POLR3H: variants seen among roughly 807,000 people sequenced by gnomAD.
POLR3H encodes RNA polymerase III subunit H, also known as DNA-directed RNA polymerase III subunit RPC8.
Under a neutral mutation model 25.5 loss-of-function variants are expected in POLR3H, and 17 were observed. That is an observed-to-expected ratio of 0.67 (90% CI 0.46 to 1.00). POLR3H has a LOEUF of 1.00. Among genes scored for constraint, POLR3H ranks in the 50% least tolerant of loss-of-function variants. The pLI is 0.00. For missense variants in POLR3H, 274 were observed against 265.0 expected (o/e 1.03, Z -0.24); for synonymous variants, 129 against 103.0 (o/e 1.25, Z -1.53).
In POLR3H at chr22:41,527,550, T is replaced by C; in HGVS notation, c.*1733A>G. 1.5e-6 allele frequency: 2 copies of C among 1,295,502 alleles called. No individual in the cohort carries two copies. The highest frequency in any genetic ancestry group is 4.7e-5 in the East Asian group (2 of 42,276). 80.3% of individuals were successfully genotyped at this position (1,295,502 alleles called of 1,614,324 possible). A position where few individuals can be genotyped will look rare whatever the true frequency, so the allele number is the denominator to read the frequency against. On this transcript the variant is annotated 3_prime_UTR_variant, in exon 6 of 6. Coordinates refer to ENST00000355209, the MANE Select transcript of POLR3H (RefSeq NM_001018050.4). ...TGCAGCCCACAGGCCCGTCAGCCTC[T>C]TGCCCCTTCTTAGGCTCACACAGTG...
At position 41,540,672 on chromosome 22, in the gene POLR3H, A is replaced by G. The variant is rs769856766; in HGVS notation, c.208+27T>C. The G allele has an allele frequency of 7.0e-6, 11 of 1,560,770 alleles. No homozygotes were observed. The East Asian group carries it at 2.5e-4, about 35-fold the overall frequency. ...CAGAAAACTGAGCCCCAAGAAGCCC[A>G]ATGCCCCAGGGACAGAAGATACCCA... On this transcript the variant is annotated intron_variant, in intron 2 of 5. Coordinates refer to ENST00000355209, the MANE Select transcript of POLR3H (RefSeq NM_001018050.4).
At chr22:41,531,063 C>T (rs1165378565) in intron 4 of POLR3H, among the ~76,000 whole-genome samples, 175 bp from the exon 5 acceptor site, 2 of 152,218 alleles carry the variant, frequency 1.3e-5, no homozygotes, top group Non-Finnish European at 2.9e-5. Context: ...CAGAGAGGAA[C>T]AAGCGCTCTT....
At chr22:41,542,756 A>G (rs529407880) in intron 1 of POLR3H, among the ~76,000 whole-genome samples, 1 of 152,270 alleles carries the variant, frequency 6.6e-6, no homozygotes, top group Non-Finnish European at 1.5e-5. Flanking sequence ...TAATTCCAGC[A>G]CTTTGGGAGG....
Position 41,529,007 on chromosome 22 carries a change from C to T in POLR3H, c.*276G>A, listed in dbSNP as rs2066665674. 7.5e-6 allele frequency: 4 copies of T among 534,292 alleles called. No individual in the cohort carries two copies. Among genetic ancestry groups the T allele is most frequent in the Non-Finnish European group, 9.9e-6 (3 of 303,070 alleles). The allele number at this position is 534,292 out of a possible 1,614,324, so 33.1% of individuals were successfully genotyped here. A position where few individuals can be genotyped will look rare whatever the true frequency, so the allele number is the denominator to read the frequency against. Reference sequence around the variant, plus strand: ...TTCTGTGAGTGATTGGTGTCTGTGCCGTTTGTTGTCAAGTCCAGGGTCCAG... The same window carrying T: ...TTCTGTGAGTGATTGGTGTCTGTGCTGTTTGTTGTCAAGTCCAGGGTCCAG... On this transcript the variant is annotated 3_prime_UTR_variant, in exon 6 of 6. Coordinates refer to ENST00000355209, the MANE Select transcript of POLR3H (RefSeq NM_001018050.4).
At chr22:41,540,019 T>A (rs1344205445) in intron 2 of POLR3H, 1 of 170,208 alleles carries the variant, frequency 5.9e-6, no homozygotes, top group Non-Finnish European at 1.3e-5. Context: ...TATCCTAAAC[T>A]GCAGTTGACA....
chr22:41,532,130 A>G lies in POLR3H; in HGVS notation c.323T>C (p.Leu108Pro). The change falls in exon 4 of 6, where the codon CTC becomes CCC. Residue 108 changes from leucine (L) to proline (P), a missense_variant. Transcript: ENST00000355209. ...HVSLGFFDDI[L>P]IPPESLQQPA... ...CTGCTGCAGTGACTCTGGGGGGATGAGAATGTCATCGAAGAAGCCTAGAGA... is the reference window on the plus strand; with the variant it reads ...CTGCTGCAGTGACTCTGGGGGGATGGGAATGTCATCGAAGAAGCCTAGAGA... The G allele has an allele frequency of 1.9e-6, 3 of 1,614,128 alleles. No individual in the cohort carries two copies. Among genetic ancestry groups the G allele is most frequent in the Non-Finnish European group, 2.5e-6 (3 of 1,179,994 alleles).
chr22:41,528,631 C>T lies in POLR3H; in HGVS notation c.*652G>A. On this transcript the variant is annotated 3_prime_UTR_variant, in exon 6 of 6. Transcript: ENST00000355209. ...AACAGTGAGGGCAGTGCCTCCCCGC[C>T]CCGCCGCTGGCGTCAAGTTCAGCTC... 2 of 1,578,228 alleles carry T rather than the reference C, an allele frequency of 1.3e-6. No individual in the cohort carries two copies. Among genetic ancestry groups the T allele is most frequent in the South Asian group, 2.3e-5 (2 of 85,922 alleles).
At chr22:41,536,891 T>TAA (rs925766801) in intron 2 of POLR3H, among the ~76,000 whole-genome samples, 1 of 140,120 alleles carries the variant, frequency 7.1e-6, no homozygotes, top group Non-Finnish European at 1.6e-5. Context: ...AAAAAGGCTT[T>TAA]AAAAAAAAAA....
chr22:41,530,110 T>C (rs1370088638), intron 5 of POLR3H, among the ~76,000 whole-genome samples: 1 of 151,954 alleles, frequency 6.6e-6, no homozygotes, highest in Non-Finnish European at 1.5e-5. Context: ...CCTTGATTTC[T>C]TTCTCCCTCA....
chr22:41,527,568 A>T lies in POLR3H; in HGVS notation c.*1715T>A. The T allele has an allele frequency of 2.7e-6, 3 of 1,123,060 alleles. No homozygotes were observed. Among genetic ancestry groups the T allele is most frequent in the Non-Finnish European group, 3.7e-6 (3 of 801,822 alleles). 69.6% of individuals were successfully genotyped at this position (1,123,060 alleles called of 1,614,324 possible). On this transcript the variant is annotated 3_prime_UTR_variant, in exon 6 of 6. Transcript: ENST00000355209. ...CAGCCTCTTGCCCCTTCTTAGGCTCACACAGTGCACATCCGACGCTCAGCT... is the reference window on the plus strand; with the variant it reads ...CAGCCTCTTGCCCCTTCTTAGGCTCTCACAGTGCACATCCGACGCTCAGCT...
In POLR3H at chr22:41,528,386, TC is replaced by T; in HGVS notation, c.*896del. On this transcript the variant is annotated 3_prime_UTR_variant, in exon 6 of 6. Transcript: ENST00000355209. Reference sequence around the variant, plus strand: ...TTGGTTTGCCTGCTGACCTCTTAGGTCCCCAGGCAGTGCCCTGTCTCCCTGA... The same window carrying T: ...TTGGTTTGCCTGCTGACCTCTTAGGTCCCAGGCAGTGCCCTGTCTCCCTGA... The T allele has an allele frequency of 6.5e-7, 1 of 1,532,890 alleles. No homozygotes were observed. 95.0% of individuals were successfully genotyped at this position (1,532,890 alleles called of 1,614,324 possible).
At chr22:41,540,603 C>A in intron 2 of POLR3H, 96 bp downstream of exon 2, 1 of 918,232 alleles carries the variant, frequency 1.1e-6, no homozygotes, top group Non-Finnish European at 1.8e-6. Flanking sequence ...CTCAGCCTTA[C>A]AGGCACGCAC....
chr22:41,530,661 G>A, intron 5 of POLR3H, 26 bp downstream of exon 5: 2 of 1,592,626 alleles, frequency 1.3e-6, no homozygotes, highest in Non-Finnish European at 8.6e-7. Flanking sequence ...CCTCATGGGG[G>A]CTTCAGCACC....
At chr22:41,542,724 C>A (rs777216873) in intron 1 of POLR3H, among the ~76,000 whole-genome samples, 1 of 152,118 alleles carries the variant, frequency 6.6e-6, no homozygotes. Flanking sequence ...AACAAATGGC[C>A]GGGCACGGTG....
At chr22:41,538,718 T>G (rs2066886486) in intron 2 of POLR3H, among the ~76,000 whole-genome samples, 1 of 152,140 alleles carries the variant, frequency 6.6e-6, no homozygotes. Context: ...CACACTGCAA[T>G]CTTATTTCTC....
At chr22:41,529,393 G>T in intron 5 of POLR3H, 57 bp from the exon 6 acceptor site, 2 of 1,530,678 alleles carry the variant, frequency 1.3e-6, no homozygotes, top group Non-Finnish European at 1.8e-6. Context: ...AACCAACCTG[G>T]ACAGGAGGTG....
At chr22:41,537,799 C>T (rs2066872099) in intron 2 of POLR3H, among the ~76,000 whole-genome samples, 1 of 151,964 alleles carries the variant, frequency 6.6e-6, no homozygotes, top group African/African-American at 2.4e-5. Context: ...ATTGAATAGA[C>T]AGAATTTCCT....
intron 1 of POLR3H, among the ~76,000 whole-genome samples, chr22:41,542,157 C>T (rs1242976189): frequency 6.6e-5 from 10 of 152,072 alleles, no homozygotes; most frequent in Admixed American, 6.6e-4. Flanking sequence ...GATTTCAGCT[C>T]ACTGCAACCT....
Position 41,544,355 on chromosome 22 carries a change from A to C in POLR3H, c.-254T>G. ...CGCGCCCGCGCCGCGAGACCCCGCCACGCCACGCCACTCCACGCCACGCCA... is the reference window on the plus strand; with the variant it reads ...CGCGCCCGCGCCGCGAGACCCCGCCCCGCCACGCCACTCCACGCCACGCCA... On this transcript the variant is annotated 5_prime_UTR_variant, in exon 1 of 6. Coordinates refer to ENST00000355209, the MANE Select transcript of POLR3H (RefSeq NM_001018050.4). 5.6e-6 allele frequency: 2 copies of C among 354,604 alleles called. No homozygotes were observed. The highest frequency in any genetic ancestry group is 1.0e-5 in the Non-Finnish European group (2 of 196,898). 22.0% of individuals were successfully genotyped at this position (354,604 alleles called of 1,614,324 possible).
Sources: gnomAD v4.1 joint callset for allele counts (sites outside exome capture counted in the v4.1 genomes callset) on GRCh38, gnomAD v4.1.1 for gene constraint, MANE v1.5 for transcripts, NCBI Gene and HGNC (gene_info 2026-07-23, HGNC 2026-07-21) for gene names.